Variants in VPS13B observed in about 807,000 individuals in gnomAD.
VPS13B encodes the protein intermembrane lipid transfer protein VPS13B.
VPS13B carries 285 observed loss-of-function variants against 426.4 expected under a neutral mutation model. The ratio of observed to expected loss-of-function variants is 0.67; its 90% CI spans 0.61 to 0.74. The LOEUF is 0.74. Ranked by LOEUF, VPS13B falls within the 30% of genes least tolerant of loss-of-function variation. The pLI is 0.00. For missense variants in VPS13B, 4,537 were observed against 4,782.6 expected, an observed-to-expected ratio of 0.95 and a Z score of 1.51; for synonymous variants, 1,676 against 1,676.4, an observed-to-expected ratio of 1.00 and a Z score of 0.01.
intron 36 of VPS13B, among the ~76,000 whole-genome samples, chr8:99,716,813 C>A (rs1481738789): frequency 1.3e-5 from 2 of 152,104 alleles, no homozygotes; most frequent in African/African-American, 4.8e-5. Context: ...AGAAAATTAC[C>A]CTTTCCCATC....
In VPS13B at chr8:99,686,048, A is replaced by G. The variant is rs186851806; in HGVS notation, c.6047-13477A>G. ...GGTGTTGTGATCTAAGTTTTTGGTC[A>G]CTGCAGCCATATCTGCATTAGGGGG... On this transcript the variant is annotated intron_variant, in intron 35 of 61. Coordinates refer to ENST00000357162, the MANE Select transcript of VPS13B (RefSeq NM_152564.5). 1.1e-4 allele frequency among the ~76,000 whole-genome samples: 16 copies of G among 152,334 alleles called. No homozygotes were observed. In the East Asian group the frequency reaches 3.1e-3, roughly 29 times the overall value.
At chr8:99,202,105 GA>G (rs1446070439) in intron 17 of VPS13B, among the ~76,000 whole-genome samples, 1 of 152,206 alleles carries the variant, frequency 6.6e-6, no homozygotes, top group Non-Finnish European at 1.5e-5. Flanking sequence ...AAAGTTCTTG[GA>G]GACTGAGATA....
intron 31 of VPS13B, among the ~76,000 whole-genome samples, chr8:99,557,938 C>G (rs757926511): frequency 3.2e-4 from 48 of 152,238 alleles, no homozygotes; most frequent in Non-Finnish European, 5.1e-4. Flanking sequence ...CTGCTTTTCT[C>G]TTTATAAAAT....
intron 3 of VPS13B, among the ~76,000 whole-genome samples, chr8:99,080,812 T>C (rs950886106): frequency 7.2e-5 from 11 of 152,214 alleles, no homozygotes; most frequent in Non-Finnish European, 4.4e-5. Flanking sequence ...CTTCGTGTGC[T>C]TTAGAATGGT....
chr8:99,595,356 T>G (rs955444652), intron 33 of VPS13B, among the ~76,000 whole-genome samples: 2 of 151,896 alleles, frequency 1.3e-5, no homozygotes, highest in African/African-American at 2.4e-5. Context: ...GACAAGGTAG[T>G]CTAGATCATT....
At chr8:99,820,629 C>G (rs1388583338) in intron 49 of VPS13B, among the ~76,000 whole-genome samples, 1 of 152,094 alleles carries the variant, frequency 6.6e-6, no homozygotes, top group East Asian at 1.9e-4. Flanking sequence ...TGATTACTGA[C>G]ACAGAGAGAA....
chr8:99,732,395 CA>C (rs566014211), intron 39 of VPS13B, among the ~76,000 whole-genome samples: 186 of 152,256 alleles, frequency 1.2e-3, no homozygotes, highest in Middle Eastern at 6.8e-3. Flanking sequence ...AGGAAAGGAC[CA>C]AAACAGAGCA....
chr8:99,511,075 T>C (rs1308282122), intron 28 of VPS13B, 29 bp from the exon 29 acceptor site: 1 of 1,608,968 alleles, frequency 6.2e-7, no homozygotes, highest in Admixed American at 1.7e-5. Context: ...TAATGAACTG[T>C]GTATTGTGAT....
At position 99,622,233 on chromosome 8, in the gene VPS13B, C is replaced by T. The variant is rs190050691; in HGVS notation, c.5221-19578C>T. On this transcript the variant is annotated intron_variant, in intron 33 of 61. Transcript: ENST00000357162. ...TTACATCATTTAATGTAATCTCACACCATCCCTGTAAAGTAGGTATTTTCT... is the reference window on the plus strand; with the variant it reads ...TTACATCATTTAATGTAATCTCACATCATCCCTGTAAAGTAGGTATTTTCT... 2.2e-3 allele frequency among the ~76,000 whole-genome samples: 339 copies of T among 152,266 alleles called. 1 individual carries two copies. The highest frequency in any genetic ancestry group is 7.8e-3 in the African/African-American group (323 of 41,554).
At chr8:99,165,486 C>T (rs755642690) in intron 15 of VPS13B, among the ~76,000 whole-genome samples, 1 of 152,036 alleles carries the variant, frequency 6.6e-6, no homozygotes, top group Non-Finnish European at 1.5e-5. Flanking sequence ...AATGTGACTG[C>T]GTTGTGTAAT....
Position 99,851,567 on chromosome 8 carries a change from G to A in VPS13B, c.10062-1884G>A, listed in dbSNP as rs113024504. Reference sequence around the variant, plus strand: ...TGCACTGAGAAGTTGATGTTTGGGCGGAGACTGGAAAGCAGTAGGGGGTTA... The same window carrying A: ...TGCACTGAGAAGTTGATGTTTGGGCAGAGACTGGAAAGCAGTAGGGGGTTA... On this transcript the variant is annotated intron_variant, in intron 55 of 61. Transcript: ENST00000357162. Among the ~76,000 whole-genome samples, 361 of 152,254 alleles carry A rather than the reference G, an allele frequency of 2.4e-3. 1 individual carries two copies. The highest frequency in any genetic ancestry group is 8.2e-3 in the African/African-American group (341 of 41,556).
chr8:99,557,717 G>A (rs1223824658), intron 31 of VPS13B, among the ~76,000 whole-genome samples: 5 of 152,188 alleles, frequency 3.3e-5, no homozygotes, highest in South Asian at 4.1e-4. Context: ...AAGAAATCTC[G>A]TAGAGAACAT....
chr8:99,458,488 C>T (rs1241061485), intron 23 of VPS13B, among the ~76,000 whole-genome samples: 3 of 151,808 alleles, frequency 2.0e-5, no homozygotes, highest in South Asian at 2.1e-4. Flanking sequence ...CCTGAGGAAT[C>T]GCCACACTGA....
At chr8:99,220,558 A>G (rs2132824965) in intron 17 of VPS13B, among the ~76,000 whole-genome samples, 1 of 152,328 alleles carries the variant, frequency 6.6e-6, no homozygotes, top group Non-Finnish European at 1.5e-5. Flanking sequence ...ATAAAACGTT[A>G]AAGTATACTT....
At chr8:99,487,749 C>T (rs936571825) in intron 25 of VPS13B, among the ~76,000 whole-genome samples, 1 of 152,168 alleles carries the variant, frequency 6.6e-6, no homozygotes, top group African/African-American at 2.4e-5. Flanking sequence ...ATATTTAAGG[C>T]TCATTCCTTT....
chr8:99,098,670 A>C (rs141089754), intron 4 of VPS13B, among the ~76,000 whole-genome samples: 55 of 152,234 alleles, frequency 3.6e-4, no homozygotes, highest in Middle Eastern at 3.4e-3. Context: ...GAGCACTTTT[A>C]AGGTTTTTGG....
In VPS13B at chr8:99,859,403, G is replaced by A. The variant is rs1214631953; in HGVS notation, c.10967G>A (p.Gly3656Glu). 4.3e-6 allele frequency: 7 copies of A among 1,614,164 alleles called. No individual in the cohort carries two copies. The South Asian group carries it at 7.7e-5, about 18-fold the overall frequency. Residue 3656 changes from glycine to glutamate, a missense_variant, in exon 57 of 62, where the codon GGG becomes GAG. Around this residue, in one of 2 missense-constraint regions of VPS13B, gnomAD observed 4,311 missense variants for 4,474.3 expected, o/e 0.96. Coordinates refer to ENST00000357162, the MANE Select transcript of VPS13B (RefSeq NM_152564.5). ...VADFFRLPYE[G>E]LTRGPGAFVS... Reference sequence around the variant, plus strand: ...GACTTCTTCAGGCTTCCGTATGAGGGGCTGACCCGGGGCCCTGGAGCCTTC... The same window carrying A: ...GACTTCTTCAGGCTTCCGTATGAGGAGCTGACCCGGGGCCCTGGAGCCTTC...
intron 3 of VPS13B, among the ~76,000 whole-genome samples, chr8:99,082,975 G>A (rs952775364): frequency 3.3e-5 from 5 of 152,174 alleles, no homozygotes; most frequent in African/African-American, 1.2e-4. Flanking sequence ...GAACTTTAAA[G>A]TAGTTTTTTC....
chr8:99,655,962 T>G (rs1830004644), intron 34 of VPS13B, among the ~76,000 whole-genome samples: 1 of 151,816 alleles, frequency 6.6e-6, no homozygotes, highest in Admixed American at 6.6e-5. Context: ...AAATGAAGGG[T>G]TTTTTCTGAA....
Sources: allele counts gnomAD v4.1 joint callset (sites outside exome capture counted in the v4.1 genomes callset), GRCh38; gene constraint gnomAD v4.1.1; regional missense constraint gnomAD v4.1.1; transcripts MANE v1.5; gene names NCBI Gene and HGNC (gene_info 2026-07-23, HGNC 2026-07-21).